WBP2NL: variants seen among roughly 807,000 people sequenced by gnomAD.
WBP2NL encodes WBP2 N-terminal like.
Under a neutral mutation model 23.3 loss-of-function variants are expected in WBP2NL, and 27 were observed. The observed-to-expected ratio is 1.16, with a 90% CI of 0.85 to 1.60. The LOEUF (loss-of-function observed/expected upper bound fraction) is 1.60. Among genes scored for constraint, WBP2NL ranks in the 40% most tolerant of loss-of-function variants. WBP2NL has a pLI of 0.00. For missense variants in WBP2NL, 370 were observed against 389.5 expected, an observed-to-expected ratio of 0.95 and a Z score of 0.42; for synonymous variants, 151 against 145.9, an observed-to-expected ratio of 1.03 and a Z score of -0.25.
chr22:42,033,849 T>C (rs1426540604), downstream of WBP2NL, among the ~76,000 whole-genome samples: 1 of 152,176 alleles, frequency 6.6e-6, no homozygotes, highest in Non-Finnish European at 1.5e-5. Context: ...TACATATCGA[T>C]TGGTCCATAT....
intron 1 of WBP2NL, among the ~76,000 whole-genome samples, chr22:42,014,268 C>T (rs1486333632): frequency 1.3e-5 from 2 of 151,736 alleles, no homozygotes; most frequent in Non-Finnish European, 2.9e-5. Flanking sequence ...CTCTGTCACC[C>T]AGGCTGGAGT....
Position 42,020,048 on chromosome 22 carries a change from G to C in WBP2NL, c.358G>C (p.Gly120Arg). The C allele has an allele frequency of 6.2e-7, 1 of 1,614,110 alleles. No homozygotes were observed. Among genetic ancestry groups the C allele is most frequent in the African/African-American group, 1.3e-5 (1 of 75,022 alleles). The change falls in exon 4 of 6, where the codon GGA (glycine) becomes CGA (arginine). Residue 120 changes from glycine (G) to arginine (R), a missense_variant. Physicochemically the swap from Gly to Arg is moderately radical, Grantham distance 125. Coordinates refer to ENST00000328823, the MANE Select transcript of WBP2NL (RefSeq NM_152613.3). Reference protein sequence around the residue: ...QATFKLVFRNGDAIEFAQLMV... With the variant: ...QATFKLVFRNRDAIEFAQLMV... Reference sequence around the variant, plus strand: ...TACTTTTAAATTAGTCTTCAGAAATGGAGATGCCATTGAATTTGCCCAGTT... The same window carrying C: ...TACTTTTAAATTAGTCTTCAGAAATCGAGATGCCATTGAATTTGCCCAGTT...
In WBP2NL at chr22:42,027,167, C is replaced by G; in HGVS notation, c.916C>G (p.Gln306Glu). The G allele has an allele frequency of 1.2e-6, 2 of 1,611,304 alleles. No individual in the cohort carries two copies. Among genetic ancestry groups the G allele is most frequent in the Non-Finnish European group, 1.7e-6 (2 of 1,178,944 alleles). The stretch of plus-strand genomic sequence containing the variant: ...TTCTCTTCCCTCTGCCTCCTCTTCT[C>G]AGGTCCATTCTTAACCTTCTAAGAT... ...EASLPSASSS[Q>E]VHS The change falls in exon 6 of 6, where the codon CAG (glutamine) becomes GAG (glutamate). Residue 306 changes from glutamine (Q) to glutamate (E), a missense_variant. Gln to Glu is a conservative substitution (Grantham distance 29). Transcript: ENST00000328823.
At chr22:42,047,742 C>A (rs1322131191) in intron 8 of WBP2NL, among the ~76,000 whole-genome samples, 42 of 151,356 alleles carry the variant, frequency 2.8e-4, no homozygotes, top group Admixed American at 2.8e-3. Context: ...CTGCCTCAGC[C>A]TCCCCAGCAG....
chr22:42,005,875 A>G (rs1302037941), intron 1 of WBP2NL, among the ~76,000 whole-genome samples: 1 of 152,234 alleles, frequency 6.6e-6, no homozygotes, highest in Non-Finnish European at 1.5e-5. Context: ...AGCACAATCA[A>G]AACGGTGGCT....
At chr22:42,003,652 G>A (rs1040450915) in intron 1 of WBP2NL, among the ~76,000 whole-genome samples, 2 of 152,164 alleles carry the variant, frequency 1.3e-5, no homozygotes. Flanking sequence ...TTGATTCTAT[G>A]AGGAGTCTTC....
chr22:42,015,068 C>G (rs1216454384), intron 1 of WBP2NL, among the ~76,000 whole-genome samples: 2 of 152,172 alleles, frequency 1.3e-5, no homozygotes, highest in African/African-American at 2.4e-5. Flanking sequence ...GAAAACTGGA[C>G]ATTTTGAATA....
intron 1 of WBP2NL, among the ~76,000 whole-genome samples, chr22:42,016,325 G>A (rs761659966): frequency 7.3e-5 from 11 of 151,322 alleles, no homozygotes; most frequent in African/African-American, 2.2e-4. Flanking sequence ...CATCAGTCCC[G>A]GGAAAATTAC....
chr22:42,035,242 G>T (rs133351), downstream of WBP2NL, among the ~76,000 whole-genome samples: 49,230 of 152,262 alleles, frequency 0.32, 9,473 homozygotes, highest in Admixed American at 0.45. Flanking sequence ...CGGTCCCTCC[G>T]TTTGGGGTCC....
chr22:42,020,783 C>T (rs1420941524), intron 4 of WBP2NL, among the ~76,000 whole-genome samples: 1 of 146,272 alleles, frequency 6.8e-6, no homozygotes, highest in African/African-American at 2.5e-5. Context: ...AGACTTATAG[C>T]ACTGATCTAA....
At chr22:42,039,365 T>C (rs553351753) in intron 8 of WBP2NL, among the ~76,000 whole-genome samples, 18 of 151,274 alleles carry the variant, frequency 1.2e-4, no homozygotes, top group Non-Finnish European at 2.5e-4. Flanking sequence ...CTTTTTTTTT[T>C]TTTTTCCAGT....
rs1212156581 is a variant in WBP2NL at position 42,015,113 on chromosome 22, CTCT to C, written c.63-4192_63-4190del. Among the ~76,000 whole-genome samples the C allele has an allele frequency of 3.3e-5, 5 of 152,174 alleles. No homozygotes were observed. The South Asian group carries it at 1.0e-3, about 32-fold the overall frequency. On this transcript the variant is annotated intron_variant, in intron 1 of 5. Transcript: ENST00000328823. ...AGTAACTCTGGAAAGTAGAATCTCC[CTCT>C]TCTTCAGGGTATATTTTTGTTGCTT...
chr22:42,050,320 A>C (rs1925791230), intron 8 of WBP2NL, among the ~76,000 whole-genome samples: 1 of 151,936 alleles, frequency 6.6e-6, no homozygotes, highest in East Asian at 1.9e-4. Flanking sequence ...TCCAACTCTT[A>C]CAACTCAATA....
chr22:42,056,229 C>T (rs1279921080), intron 8 of WBP2NL, among the ~76,000 whole-genome samples: 2 of 151,938 alleles, frequency 1.3e-5, no homozygotes, highest in East Asian at 3.8e-4. Context: ...ACATCTTATT[C>T]TGAACTATCT....
At chr22:42,006,405 A>G (rs1300741035) in intron 1 of WBP2NL, among the ~76,000 whole-genome samples, 2 of 152,100 alleles carry the variant, frequency 1.3e-5, no homozygotes, top group Non-Finnish European at 2.9e-5. Context: ...TATTTTTAGT[A>G]GAGACTAAAC....
At chr22:42,008,136 C>G (rs185166804) in intron 1 of WBP2NL, among the ~76,000 whole-genome samples, 9 of 137,670 alleles carry the variant, frequency 6.5e-5, no homozygotes, top group African/African-American at 2.3e-4. Context: ...CCTTTCCTTT[C>G]CTTTCCTTTC....
chr22:42,020,508 A>G (rs1417984784), intron 4 of WBP2NL, among the ~76,000 whole-genome samples: 2 of 152,116 alleles, frequency 1.3e-5, no homozygotes, highest in African/African-American at 4.8e-5. Flanking sequence ...CACAAAGATT[A>G]TTCAGTCCCT....
chr22:41,998,974 GC>G, intron 1 of WBP2NL, 94 bp downstream of exon 1: 1 of 1,426,048 alleles, frequency 7.0e-7, no homozygotes, highest in East Asian at 2.6e-5. Context: ...CAGGGACTTT[GC>G]CGCCTTTTTT....
intron 8 of WBP2NL, among the ~76,000 whole-genome samples, chr22:42,054,710 C>T (rs1385368460): frequency 7.0e-6 from 1 of 142,060 alleles, no homozygotes; most frequent in Non-Finnish European, 1.5e-5. Flanking sequence ...GTCTTAGTAC[C>T]TTTGTAAAAA....
Sources: gnomAD v4.1 joint callset for allele counts (sites outside exome capture counted in the v4.1 genomes callset) on GRCh38, gnomAD v4.1.1 for gene constraint, MANE v1.5 for transcripts, NCBI Gene and HGNC (gene_info 2026-07-23, HGNC 2026-07-21) for gene names.